CBFA2T3: variants seen among roughly 807,000 people sequenced by gnomAD.
The protein encoded by CBFA2T3 is CBFA2/RUNX1 partner transcriptional co-repressor 3, also known as transcriptional corepressor CBFA2T3.
CBFA2T3 carries 31 observed loss-of-function variants against 58.6 expected under a neutral mutation model. The ratio of observed to expected loss-of-function variants is 0.53; its 90% CI spans 0.40 to 0.71. The LOEUF (loss-of-function observed/expected upper bound fraction) is 0.71, where lower values mean the gene tolerates loss of function less well. CBFA2T3 is among the 30% of genes least tolerant of loss of function. The pLI is 0.00. For synonymous variants in CBFA2T3, 531 were observed against 421.9 expected, an observed-to-expected ratio of 1.26 and a Z score of -3.17; for missense variants, 1,076 against 963.1, an observed-to-expected ratio of 1.12 and a Z score of -1.55.
At chr16:88,964,752 C>A (rs911067852) in intron 1 of CBFA2T3, among the ~76,000 whole-genome samples, 3 of 152,042 alleles carry the variant, frequency 2.0e-5, no homozygotes, top group Non-Finnish European at 2.9e-5. Flanking sequence ...CCCATCTATC[C>A]ATCCACCCAC....
rs576556953 is a variant in CBFA2T3, at chr16:88,942,637, G to T, written c.151+34020C>A. 3.9e-5 allele frequency among the ~76,000 whole-genome samples: 6 copies of T among 152,330 alleles called. No homozygotes were observed. In the South Asian group the frequency reaches 1.2e-3, roughly 32 times the overall value. On this transcript the variant is annotated intron_variant, in intron 1 of 11. Transcript: ENST00000268679. ...CACCATGTCCTCCTGCAGCCCCTGG[G>T]CAGCGGTCTGGTCAGCTGGGTCACT...
In CBFA2T3 at chr16:88,881,072, G is replaced by A. The variant is rs1290828843; in HGVS notation, c.1402+219C>T. 5.6e-6 allele frequency: 4 copies of A among 709,868 alleles called. No individual in the cohort carries two copies. In the African/African-American group the frequency reaches 7.0e-5, roughly 12 times the overall value. 44.0% of individuals were successfully genotyped at this position (709,868 alleles called of 1,614,324 possible). ...TGAGGCGGAGAAGCAGAGACCCTCA[G>A]GGCCTCCCAGCTCCGAGCCTCTGGC... On this transcript the variant is annotated intron_variant, in intron 9 of 11. Transcript: ENST00000268679.
At chr16:88,879,736 G>A in intron 10 of CBFA2T3, 1 of 428,650 alleles carries the variant, frequency 2.3e-6, no homozygotes, top group Non-Finnish European at 4.2e-6. Context: ...GCAAAGCTGG[G>A]TCACGTGGTG....
At chr16:88,888,183 A>C (rs1330643208) in intron 5 of CBFA2T3, among the ~76,000 whole-genome samples, 2 of 151,808 alleles carry the variant, frequency 1.3e-5, no homozygotes, top group Admixed American at 1.3e-4. Flanking sequence ...CTGGGGTTCC[A>C]GCCAAGCAGG....
chr16:88,935,245 G>A (rs1417662585), intron 1 of CBFA2T3, among the ~76,000 whole-genome samples: 2 of 152,216 alleles, frequency 1.3e-5, no homozygotes, highest in African/African-American at 2.4e-5. Flanking sequence ...GCATGGAAGG[G>A]CCCCATGTCC....
At chr16:88,926,361 G>A (rs1340565650) in intron 1 of CBFA2T3, among the ~76,000 whole-genome samples, 4 of 152,218 alleles carry the variant, frequency 2.6e-5, no homozygotes, top group East Asian at 1.9e-4. Flanking sequence ...CCCCCCAAGC[G>A]CTCCGAGGGA....
Position 88,881,299 on chromosome 16 carries a change from G to C in CBFA2T3, c.1394C>G (p.Pro465Arg), listed in dbSNP as rs1423013656. Residue 465 changes from proline (P) to arginine (R), a missense_variant, in exon 9 of 12, where the codon CCT becomes CGT. Pro to Arg is a moderately radical substitution (Grantham distance 103, BLOSUM62 -2). Transcript: ENST00000268679. ...PRSSSAGPEG[P>R]QLDVPREFLP... is the part of the protein sequence containing the mutation. ...CCACACCCCACACGCACCTAGCTGA[G>C]GCCCTTCGGGACCGGCGGAGCTGCT... 1 of 1,592,304 alleles carries C rather than the reference G, an allele frequency of 6.3e-7. No homozygotes were observed. The highest frequency in any genetic ancestry group is 1.1e-5 in the South Asian group (1 of 89,314).
chr16:88,951,512 A>T, intron 1 of CBFA2T3: 1 of 366,206 alleles, frequency 2.7e-6, no homozygotes, highest in Non-Finnish European at 5.3e-6. Flanking sequence ...TTAAAAAATC[A>T]GTTTTAAAAT....
chr16:88,896,834 T>C (rs1034515189), intron 3 of CBFA2T3, among the ~76,000 whole-genome samples: 3 of 152,186 alleles, frequency 2.0e-5, no homozygotes, highest in African/African-American at 7.2e-5. Context: ...CTTACCAGCC[T>C]TGCCCCGGGT....
In CBFA2T3 at chr16:88,886,098, G is replaced by T. The variant is rs1253045580; in HGVS notation, c.756C>A (p.Arg252=). The T allele has an allele frequency of 6.3e-7, 1 of 1,588,626 alleles. No homozygotes were observed. Among genetic ancestry groups the T allele is most frequent in the Admixed American group, 1.7e-5 (1 of 58,170 alleles). Residue 252 remains arginine, a synonymous_variant, in exon 6 of 12, where the codon CGC becomes CGA. Coordinates refer to ENST00000268679, the MANE Select transcript of CBFA2T3 (RefSeq NM_005187.6). ...ACTGGGCGGGCGTCTGCTTGGCCAG[G>T]CGTGCACAGTGCAGGAGCTCCCGCT... ...LLQRELLHCA[R]LAKQTPAQYL...
intron 11 of CBFA2T3, among the ~76,000 whole-genome samples, chr16:88,877,992 C>G (rs1968904839): frequency 6.6e-6 from 1 of 152,250 alleles, no homozygotes; most frequent in South Asian, 2.1e-4. Flanking sequence ...CACCCCACCT[C>G]GCCCTCACTG....
At chr16:88,898,259 G>A in intron 2 of CBFA2T3, 107 bp from the exon 3 acceptor site, 1 of 855,990 alleles carries the variant, frequency 1.2e-6, no homozygotes, top group Non-Finnish European at 1.9e-6. Flanking sequence ...AGTGATTTTT[G>A]GTGGGGGCGT....
intron 1 of CBFA2T3, chr16:88,951,485 A>G (rs994974614): frequency 2.7e-6 from 1 of 371,356 alleles, no homozygotes; most frequent in Non-Finnish European, 5.3e-6. Context: ...TTTTTGTTTC[A>G]TCTTTGCTTT....
intron 7 of CBFA2T3, 66 bp downstream of exon 7, chr16:88,884,980 G>A: frequency 1.6e-6 from 2 of 1,251,166 alleles, no homozygotes; most frequent in South Asian, 2.8e-5. Context: ...ATGCTCAGGT[G>A]TACATGTGGG....
chr16:88,905,209 G>A (rs577233419), intron 1 of CBFA2T3, among the ~76,000 whole-genome samples: 6 of 152,172 alleles, frequency 3.9e-5, no homozygotes, highest in East Asian at 1.9e-4. Flanking sequence ...CGGGCACATC[G>A]TCTCTCTCCT....
At chr16:88,949,590 G>A (rs1971994608) in intron 1 of CBFA2T3, among the ~76,000 whole-genome samples, 2 of 151,668 alleles carry the variant, frequency 1.3e-5, no homozygotes, top group Admixed American at 6.6e-5. Context: ...GAAAGAAGAT[G>A]GGCTGGGAGT....
rs373082110 is a variant in CBFA2T3, at chr16:88,953,451, T to C, written c.151+23206A>G. Among the ~76,000 whole-genome samples the C allele has an allele frequency of 2.0e-5, 3 of 151,298 alleles. No homozygotes were observed. The highest frequency in any genetic ancestry group is 1.9e-4 in the East Asian group (1 of 5,168). ...AGGCCAGCATAGCCCTCAAAACGGT[T>C]CCCACAGCTCCCAGCGGAGCCCTCA... On this transcript the variant is annotated intron_variant, in intron 1 of 11. Coordinates refer to ENST00000268679, the MANE Select transcript of CBFA2T3 (RefSeq NM_005187.6). This position sits in a 1 kb window ranked among gnomAD's most constrained non-coding sequence, Gnocchi z 4.9.
intron 1 of CBFA2T3, among the ~76,000 whole-genome samples, chr16:88,926,503 G>T (rs1327183505): frequency 6.6e-6 from 1 of 152,204 alleles, no homozygotes; most frequent in African/African-American, 2.4e-5. Context: ...CCTGCTCGGG[G>T]CCAGTCACCA....
At position 88,967,680 on chromosome 16, in the gene CBFA2T3, C is replaced by A. The variant is rs922168882; in HGVS notation, c.151+8977G>T. Among the ~76,000 whole-genome samples the A allele has an allele frequency of 3.3e-5, 5 of 152,174 alleles. No homozygotes were observed. In the East Asian group the frequency reaches 9.6e-4, roughly 29 times the overall value. ...GGGACGGGGACGGCGTGCTGCCCTG[C>A]GTGGCTCCCGCGACCTGGCTTCTCC... On this transcript the variant is annotated intron_variant, in intron 1 of 11. Transcript: ENST00000268679.
Sources: allele counts gnomAD v4.1 joint callset (sites outside exome capture counted in the v4.1 genomes callset), GRCh38; gene constraint gnomAD v4.1.1; non-coding constraint Gnocchi (gnomAD v3.1); transcripts MANE v1.5; gene names NCBI Gene and HGNC (gene_info 2026-07-23, HGNC 2026-07-21).